Variants in ATF7IP2 observed in about 807,000 individuals in gnomAD.
ATF7IP2 encodes the protein activating transcription factor 7 interacting protein 2, also known as activating transcription factor 7-interacting protein 2.
A neutral mutation model predicts 64.2 loss-of-function variants in ATF7IP2; 42 were observed. That is an observed-to-expected ratio of 0.65 (90% CI 0.51 to 0.85). ATF7IP2 has a LOEUF of 0.85. Among genes scored for constraint, ATF7IP2 ranks in the 40% least tolerant of loss-of-function variants. The pLI is 0.00. For missense variants in ATF7IP2, 933 were observed against 784.2 expected (o/e 1.19, Z -2.27); for synonymous variants, 308 against 272.8 (o/e 1.13, Z -1.27).
At chr16:10,410,332 G>A (rs1352673507) in intron 1 of ATF7IP2, among the ~76,000 whole-genome samples, 1 of 28,886 alleles carries the variant, frequency 3.5e-5, no homozygotes, top group South Asian at 9.9e-4. Flanking sequence ...GTTTTGTTTT[G>A]TTTTGTTTTG....
At chr16:10,439,049 C>A (rs1270256722) in intron 7 of ATF7IP2, among the ~76,000 whole-genome samples, 620 of 102,294 alleles carry the variant, frequency 6.1e-3, no homozygotes, top group South Asian at 8.5e-3. Context: ...GACTCCATCT[C>A]AAAAAAAAAA....
intron 1 of ATF7IP2, among the ~76,000 whole-genome samples, chr16:10,411,880 A>G (rs1222069351): frequency 2.3e-5 from 3 of 129,974 alleles, no homozygotes; most frequent in Admixed American, 7.5e-5. Context: ...ATTATCTCCC[A>G]TTTTGTTTCT....
intron 12 of ATF7IP2, among the ~76,000 whole-genome samples, chr16:10,477,748 C>G (rs1056030260): frequency 1.3e-5 from 2 of 152,070 alleles, no homozygotes; most frequent in African/African-American, 4.8e-5. Flanking sequence ...ATCTAGAAAA[C>G]CCCATTGTCT....
At chr16:10,473,273 G>C (rs1212579268) in intron 10 of ATF7IP2, among the ~76,000 whole-genome samples, 1 of 152,150 alleles carries the variant, frequency 6.6e-6, no homozygotes, top group Non-Finnish European at 1.5e-5. Context: ...CAAAGTTACA[G>C]AAAGACAAAA....
chr16:10,387,070 A>G (rs766027228), intron 1 of ATF7IP2: 47 of 152,212 alleles, frequency 3.1e-4, no homozygotes, highest in Non-Finnish European at 8.8e-5. Flanking sequence ...AAATTATGTC[A>G]TATTCACTTA....
intron 2 of ATF7IP2, among the ~76,000 whole-genome samples, chr16:10,418,620 C>T (rs992436266): frequency 6.6e-5 from 10 of 152,314 alleles, no homozygotes; most frequent in Admixed American, 5.9e-4. Flanking sequence ...CTGTCTGCAG[C>T]TCCTTCAAGC....
chr16:10,406,589 A>C (rs2047645762), intron 1 of ATF7IP2, among the ~76,000 whole-genome samples: 1 of 152,226 alleles, frequency 6.6e-6, no homozygotes, highest in Non-Finnish European at 1.5e-5. Context: ...ATGAAAAAGA[A>C]CACCTCAGAA....
chr16:10,461,229 A>G lies in ATF7IP2; in HGVS notation c.1352+3700A>G, dbSNP rs138432820. On this transcript the variant is annotated intron_variant, in intron 9 of 13. Transcript: ENST00000562102. ...GAAGTTTTGAAATAAAGGGAGTAGTATTTAATGTTTTGTTGCGTGAGTAAA... is the reference window on the plus strand; with the variant it reads ...GAAGTTTTGAAATAAAGGGAGTAGTGTTTAATGTTTTGTTGCGTGAGTAAA... Among the ~76,000 whole-genome samples, 644 of 152,238 alleles carry G rather than the reference A, an allele frequency of 4.2e-3. 2 individuals carry two copies. Among genetic ancestry groups the G allele is most frequent in the African/African-American group, 0.015 (621 of 41,568 alleles).
At chr16:10,462,337 C>T (rs898858972) in intron 9 of ATF7IP2, among the ~76,000 whole-genome samples, 1 of 151,720 alleles carries the variant, frequency 6.6e-6, no homozygotes, top group East Asian at 1.9e-4. Flanking sequence ...CATCTGGGCT[C>T]ATTTTTTTTT....
intron 1 of ATF7IP2, chr16:10,387,828 C>CG (rs1193826271): frequency 2.7e-5 from 4 of 146,986 alleles, no homozygotes; most frequent in Non-Finnish European, 6.0e-5. Flanking sequence ...TTTTACTCCC[C>CG]CCCCCTCCCC....
Position 10,482,087 on chromosome 16 carries a change from T to A in ATF7IP2, c.1887T>A (p.Ile629=). ...ATAATAAGTTGATTTGGAAGAAGAT[T>A]GGAGAAATTAAAGCTTTACCACTCC... ...NSNNKLIWKK[I]GEIKALPLPM... The change falls in exon 14 of 14, where the codon ATT becomes ATA. Residue 629 remains isoleucine (I), a synonymous_variant. Coordinates refer to ENST00000562102, the MANE Select transcript of ATF7IP2 (RefSeq NM_001393719.1). 6.2e-7 allele frequency: 1 copy of A among 1,614,146 alleles called. No homozygotes were observed. The highest frequency in any genetic ancestry group is 8.5e-7 in the Non-Finnish European group (1 of 1,179,988).
At position 10,482,798 on chromosome 16, in the gene ATF7IP2, A is replaced by C. The variant is rs1389466691; in HGVS notation, c.*549A>C. The C allele has an allele frequency of 1.3e-5, 2 of 152,108 alleles. No individual in the cohort carries two copies. The highest frequency in any genetic ancestry group is 4.2e-4 in the South Asian group (2 of 4,814). The allele number at this position is 152,108 out of a possible 1,614,324, so 9.4% of individuals were successfully genotyped here. A position where few individuals can be genotyped will look rare whatever the true frequency, so the allele number is the denominator to read the frequency against. The stretch of plus-strand genomic sequence containing the variant: ...AGGCTGGAGTACAGTGGTCACTGCA[A>C]CCTCCATCTCCCTGGTTCAAGCAAT... On this transcript the variant is annotated 3_prime_UTR_variant, in exon 14 of 14. Coordinates refer to ENST00000562102, the MANE Select transcript of ATF7IP2 (RefSeq NM_001393719.1).
intron 8 of ATF7IP2, among the ~76,000 whole-genome samples, chr16:10,455,085 G>C (rs1485358948): frequency 6.6e-6 from 1 of 152,070 alleles, no homozygotes; most frequent in Non-Finnish European, 1.5e-5. Flanking sequence ...GTGTTTTTTC[G>C]ACCTTCTACA....
At chr16:10,433,789 G>T in intron 6 of ATF7IP2, 140 bp downstream of exon 6, 1 of 864,122 alleles carries the variant, frequency 1.2e-6, no homozygotes. Context: ...CAAATTATCA[G>T]ACAGACTGGG....
chr16:10,422,953 T>G (rs1030621168), intron 3 of ATF7IP2, among the ~76,000 whole-genome samples: 2 of 152,168 alleles, frequency 1.3e-5, no homozygotes, highest in African/African-American at 4.8e-5. Flanking sequence ...CCTTTTAAAT[T>G]TAAACTAGAG....
intron 6 of ATF7IP2, among the ~76,000 whole-genome samples, chr16:10,437,090 C>T (rs1052239054): frequency 2.7e-5 from 4 of 148,910 alleles, no homozygotes; most frequent in Non-Finnish European, 3.0e-5. Flanking sequence ...GGTGTGATCT[C>T]GGCTCACTGC....
Position 10,472,181 on chromosome 16 carries a change from C to T in ATF7IP2, c.1424C>T (p.Thr475Ile). 1 of 1,538,432 alleles carries T rather than the reference C, an allele frequency of 6.5e-7. No homozygotes were observed. Among genetic ancestry groups the T allele is most frequent in the Non-Finnish European group, 8.9e-7 (1 of 1,121,762 alleles). Residue 475 changes from threonine to isoleucine, a missense_variant and splice_region_variant, in exon 10 of 14, where the codon ACA (threonine) becomes ATA (isoleucine). Physicochemically the swap from Thr to Ile is moderately conservative, Grantham distance 89. Coordinates refer to ENST00000562102, the MANE Select transcript of ATF7IP2 (RefSeq NM_001393719.1). ...ACAACTCCAATTACATCAAATCCAA[C>T]AGGTATCTTATAGCTGATTAGAATA... is the stretch of plus-strand genomic sequence containing the variant. Reference protein sequence around the residue: ...NLTTPITSNPTDTRKITSGNS... With the variant: ...NLTTPITSNPIDTRKITSGNS...
At chr16:10,456,614 C>T (rs2049178061) in intron 8 of ATF7IP2, among the ~76,000 whole-genome samples, 2 of 152,214 alleles carry the variant, frequency 1.3e-5, no homozygotes, top group Non-Finnish European at 2.9e-5. Context: ...GCCGGTGCCA[C>T]CTCAATCCCC....
Position 10,482,059 on chromosome 16 carries a change from CT to C in ATF7IP2, c.1860del (p.Asn621IlefsTer4). On this transcript the variant is annotated frameshift_variant, in exon 14 of 14. Coordinates refer to ENST00000562102, the MANE Select transcript of ATF7IP2 (RefSeq NM_001393719.1). LOFTEE classifies it high-confidence loss of function. ...CACCTCTTCCTGTGTCATGAGAACT[CT>C]AATAATAAGTTGATTTGGAAGAAGA... The part of the protein sequence containing the change: ...SYHLFLCHEN[S>X]NNKLIWKKIG... 1 of 1,614,004 alleles carries C rather than the reference CT, an allele frequency of 6.2e-7. No individual in the cohort carries two copies. The highest frequency in any genetic ancestry group is 2.2e-5 in the East Asian group (1 of 44,878).
Sources: allele counts gnomAD v4.1 joint callset (sites outside exome capture counted in the v4.1 genomes callset), GRCh38; gene constraint gnomAD v4.1.1; transcripts MANE v1.5; gene names NCBI Gene and HGNC (gene_info 2026-07-23, HGNC 2026-07-21).